The following ARVCF variants were observed in gnomAD, a reference collection of about 807,000 sequenced individuals.
ARVCF encodes splicing regulator ARVCF.
ARVCF carries 66 observed loss-of-function variants against 90.9 expected under a neutral mutation model. The ratio of observed to expected loss-of-function variants is 0.73; its 90% CI spans 0.60 to 0.89. The LOEUF (loss-of-function observed/expected upper bound fraction) is 0.89, where lower values mean the gene tolerates loss of function less well. Among genes scored for constraint, ARVCF ranks in the 40% least tolerant of loss-of-function variants. The probability of loss-of-function intolerance (pLI) is 0.00; values close to 1 mark genes in which losing one functional copy is unlikely to be tolerated. For missense variants in ARVCF, 1,469 were observed against 1,382.3 expected (o/e 1.06, Z -1.00); for synonymous variants, 653 against 603.4 (o/e 1.08, Z -1.21).
At chr22:19,980,955 T>C in intron 5 of ARVCF, 1 of 468,912 alleles carries the variant, frequency 2.1e-6, no homozygotes, top group Non-Finnish European at 3.7e-6. Context: ...TTACCCAGAG[T>C]GTGGCTGGAG....
Position 19,979,014 on chromosome 22 carries a change from G to A in ARVCF, c.1463C>T (p.Thr488Met), listed in dbSNP as rs756726250. Reference protein sequence around the residue: ...KMVIIDHGLQTLTHEVIVPHS... With the variant: ...KMVIIDHGLQMLTHEVIVPHS... Reference sequence around the variant, plus strand: ...GGGCACGATCACCTCGTGGGTCAGCGTCTGCAGGCCATGGTCAATGATGAC... The same window carrying A: ...GGGCACGATCACCTCGTGGGTCAGCATCTGCAGGCCATGGTCAATGATGAC... Residue 488 changes from threonine to methionine, a missense_variant, in exon 7 of 20, where the codon ACG (threonine) becomes ATG (methionine). Physicochemically the swap from Thr to Met is moderately conservative, Grantham distance 81 (BLOSUM62 -1). Coordinates refer to ENST00000263207, the MANE Select transcript of ARVCF (RefSeq NM_001670.3). 2.3e-5 allele frequency: 37 copies of A among 1,613,284 alleles called. No homozygotes were observed. In the East Asian group the frequency reaches 2.5e-4, roughly 11 times the overall value.
intron 3 of ARVCF, among the ~76,000 whole-genome samples, chr22:19,984,862 G>A (rs1444264309): frequency 6.6e-6 from 1 of 152,256 alleles, no homozygotes; most frequent in Non-Finnish European, 1.5e-5. Flanking sequence ...GAGTCTCAGA[G>A]CTGGCTGGCA....
At chr22:19,978,792 T>A in intron 7 of ARVCF, 105 bp downstream of exon 7, 20 of 1,369,872 alleles carry the variant, frequency 1.5e-5, no homozygotes, top group Non-Finnish European at 2.0e-5. Context: ...CTGAAGCTCC[T>A]AAGCTCTGGC....
At chr22:19,966,931 T>C (rs1370763892), downstream of ARVCF, 1 of 985,176 alleles carries the variant, frequency 1.0e-6, no homozygotes, top group Non-Finnish European at 1.2e-6. Context: ...CTGTCGCTTC[T>C]CCACGGCATT....
intron 3 of ARVCF, among the ~76,000 whole-genome samples, chr22:19,982,705 A>G (rs1943572061): frequency 6.6e-6 from 1 of 152,160 alleles, no homozygotes; most frequent in Admixed American, 6.5e-5. Context: ...AGAACACCCC[A>G]TGCACCTGCA....
At chr22:20,003,027 A>T (rs139088237) in intron 2 of ARVCF, among the ~76,000 whole-genome samples, 224 of 152,354 alleles carry the variant, frequency 1.5e-3, no homozygotes, top group African/African-American at 4.9e-3. Context: ...AACAAAAAAA[A>T]ACCTCAATTT....
chr22:19,971,363 C>T, intron 18 of ARVCF, 28 bp from the exon 19 acceptor site: 6 of 1,541,898 alleles, frequency 3.9e-6, no homozygotes, highest in Non-Finnish European at 5.2e-6. Flanking sequence ...GCATTAGAGG[C>T]ACAATAGAGC....
At position 20,010,717 on chromosome 22, in the gene ARVCF, C is replaced by T. The variant is rs144196123; in HGVS notation, c.-72-209G>A. Among the ~76,000 whole-genome samples the T allele has an allele frequency of 6.7e-3, 1,020 of 152,322 alleles. 3 individuals are homozygous for T. The highest frequency in any genetic ancestry group is 0.015 in the African/African-American group (624 of 41,558). Reference sequence around the variant, plus strand: ...CAGGACTGTAGGTGACACTGGGCTGCCACGGTTCCTTGTCAGCATGTCTAA... The same window carrying T: ...CAGGACTGTAGGTGACACTGGGCTGTCACGGTTCCTTGTCAGCATGTCTAA... On this transcript the variant is annotated intron_variant, in intron 1 of 19. Coordinates refer to ENST00000263207, the MANE Select transcript of ARVCF (RefSeq NM_001670.3).
chr22:20,005,976 CAT>C (rs1344297121), intron 2 of ARVCF, among the ~76,000 whole-genome samples: 3 of 152,094 alleles, frequency 2.0e-5, no homozygotes, highest in African/African-American at 7.2e-5. Flanking sequence ...CAAATTCTGA[CAT>C]ATGATATTCT....
chr22:19,973,434 C>A, intron 13 of ARVCF, 117 bp from the exon 14 acceptor site: 1 of 1,344,250 alleles, frequency 7.4e-7, no homozygotes, highest in Non-Finnish European at 9.9e-7. Context: ...CGCCTGTGTG[C>A]AGGCGGTCAC....
chr22:20,014,662 C>T (rs1283850262), intron 1 of ARVCF, among the ~76,000 whole-genome samples: 8 of 152,234 alleles, frequency 5.3e-5, no homozygotes, highest in Non-Finnish European at 1.0e-4. Context: ...TGGGCCCTGA[C>T]TCCCTATCCC....
At chr22:19,971,441 C>T (rs976031070) in intron 18 of ARVCF, 106 bp from the exon 19 acceptor site, 28 of 1,371,202 alleles carry the variant, frequency 2.0e-5, no homozygotes, top group Non-Finnish European at 2.5e-5. Context: ...AAGGGTTGGC[C>T]TGCCAGGACA....
intron 3 of ARVCF, chr22:19,987,035 C>A (rs1021819662): frequency 6.1e-6 from 4 of 654,148 alleles, no homozygotes; most frequent in African/African-American, 5.7e-5. Flanking sequence ...TGCCTCCGAC[C>A]CCGGGCCAGG....
downstream of ARVCF, chr22:19,967,684 T>C (rs892954139): frequency 3.6e-6 from 1 of 278,920 alleles, no homozygotes; most frequent in Non-Finnish European, 7.1e-6. Flanking sequence ...TATTATACTT[T>C]AGATGTTTGA....
chr22:19,997,095 G>A (rs902757960), intron 2 of ARVCF, among the ~76,000 whole-genome samples: 1 of 152,256 alleles, frequency 6.6e-6, no homozygotes, highest in Non-Finnish European at 1.5e-5. Flanking sequence ...CCAGCCCCAG[G>A]GGGCATGCTG....
intron 2 of ARVCF, among the ~76,000 whole-genome samples, chr22:19,998,246 C>T (rs895727414): frequency 6.6e-6 from 1 of 152,242 alleles, no homozygotes; most frequent in Non-Finnish European, 1.5e-5. Flanking sequence ...CCTTTCCCCC[C>T]TCATTGGAAG....
At chr22:19,979,453 G>C in intron 6 of ARVCF, 2 of 553,128 alleles carry the variant, frequency 3.6e-6, no homozygotes, top group East Asian at 3.1e-5. Context: ...GGGAACCAAG[G>C]AGGTGGGTCC....
At chr22:20,006,379 C>A (rs1294358851) in intron 2 of ARVCF, among the ~76,000 whole-genome samples, 1 of 151,664 alleles carries the variant, frequency 6.6e-6, no homozygotes, top group Non-Finnish European at 1.5e-5. Flanking sequence ...AGATCGAGAC[C>A]ATCCTGGCTA....
At chr22:20,009,116 G>A (rs1258508039) in intron 2 of ARVCF, among the ~76,000 whole-genome samples, 1 of 152,186 alleles carries the variant, frequency 6.6e-6, no homozygotes, top group Non-Finnish European at 1.5e-5. Flanking sequence ...AAGGGCAGTG[G>A]GACAGCCCCT....
Sources: gnomAD v4.1 joint callset for allele counts (sites outside exome capture counted in the v4.1 genomes callset) on GRCh38, gnomAD v4.1.1 for gene constraint, MANE v1.5 for transcripts, NCBI Gene and HGNC (gene_info 2026-07-23, HGNC 2026-07-21) for gene names.